SEC22C: variants seen among roughly 807,000 people sequenced by gnomAD.
SEC22C encodes the protein SEC22 homolog C, vesicle trafficking protein, also known as vesicle-trafficking protein SEC22c.
In SEC22C, 29 loss-of-function variants were observed where a neutral mutation model predicts 34.7. That is an observed-to-expected ratio of 0.84 (90% CI 0.62 to 1.14). The LOEUF is 1.14. Among genes scored for constraint, SEC22C ranks in the 50% most tolerant of loss-of-function variants. The pLI is 0.00. For missense variants in SEC22C, 337 were observed against 369.0 expected, an observed-to-expected ratio of 0.91 and a Z score of 0.71; for synonymous variants, 117 against 132.8, an observed-to-expected ratio of 0.88 and a Z score of 0.82.
intron 4 of SEC22C, among the ~76,000 whole-genome samples, chr3:42,558,955 G>A (rs1212780441): frequency 1.3e-5 from 2 of 152,148 alleles, no homozygotes; most frequent in East Asian, 1.9e-4. Flanking sequence ...GCGATGTCAC[G>A]TGCACTTCTA....
Position 42,598,908 on chromosome 3 carries a change from T to C in SEC22C, c.-28+2052A>G, listed in dbSNP as rs533347847. 5.9e-4 allele frequency among the ~76,000 whole-genome samples: 90 copies of C among 151,684 alleles called. 1 individual carries two copies. The highest frequency in any genetic ancestry group is 1.9e-3 in the African/African-American group (79 of 41,074). On this transcript the variant is annotated intron_variant, in intron 1 of 6. Transcript: ENST00000417572. ...TTAAAATGGCAACTTTCACATAATG[T>C]GTATATATATCTATAGATCTATAGA...
At chr3:42,568,019 CAG>C (rs1270840414) in intron 2 of SEC22C, among the ~76,000 whole-genome samples, 6 of 151,872 alleles carry the variant, frequency 4.0e-5, no homozygotes, top group South Asian at 2.1e-4. Flanking sequence ...TTGCAGTGTG[CAG>C]AGAGTTTGCC....
Position 42,553,316 on chromosome 3 carries a change from C to T in SEC22C, c.844G>A (p.Ala282Thr), listed in dbSNP as rs1702338544. The change falls in exon 7 of 7, where the codon GCT (alanine) becomes ACT (threonine). Residue 282 changes from alanine (A) to threonine (T), a missense_variant. By Grantham distance (58) the Ala-to-Thr change is moderately conservative (BLOSUM62 0). Coordinates refer to ENST00000264454, the MANE Select transcript of SEC22C (RefSeq NM_032970.4). ...LWQILFHIGVAFLSSYQILTR... is the reference protein window; with the variant it reads ...LWQILFHIGVTFLSSYQILTR... ...AGTATCTGATATGAAGACAGAAAAGCCACTCCTATGTGGAAAAGGATTTGC... is the reference window on the plus strand; with the variant it reads ...AGTATCTGATATGAAGACAGAAAAGTCACTCCTATGTGGAAAAGGATTTGC... The T allele has an allele frequency of 6.2e-7, 1 of 1,614,170 alleles. No homozygotes were observed. Among genetic ancestry groups the T allele is most frequent in the Non-Finnish European group, 8.5e-7 (1 of 1,180,036 alleles).
chr3:42,584,100 C>G (rs894117416), upstream of SEC22C, among the ~76,000 whole-genome samples: 2 of 152,148 alleles, frequency 1.3e-5, no homozygotes, highest in Non-Finnish European at 2.9e-5. Flanking sequence ...GCCAGTTCCC[C>G]TAATAAATCC....
chr3:42,570,051 T>C (rs1703520228), intron 1 of SEC22C, among the ~76,000 whole-genome samples: 1 of 152,190 alleles, frequency 6.6e-6, no homozygotes, highest in African/African-American at 2.4e-5. Context: ...ATCCTCTACT[T>C]GACAGGATCC....
In SEC22C at chr3:42,552,013, C is replaced by A; in HGVS notation, c.*1235G>T. On this transcript the variant is annotated 3_prime_UTR_variant, in exon 7 of 7. Coordinates refer to ENST00000264454, the MANE Select transcript of SEC22C (RefSeq NM_032970.4). ...CAAGAACAATCCAAAGAGCAAACTC[C>A]CAAAATGACCTCCTGCGTGGTACAA... The A allele has an allele frequency of 1.0e-6, 1 of 985,372 alleles. No homozygotes were observed. Among genetic ancestry groups the A allele is most frequent in the East Asian group, 1.1e-4 (1 of 8,820 alleles). The allele number at this position is 985,372 out of a possible 1,614,324, so 61.0% of individuals were successfully genotyped here. A position where few individuals can be genotyped will look rare whatever the true frequency, so the allele number is the denominator to read the frequency against.
At chr3:42,594,610 A>T in intron 1 of SEC22C, 1 of 957,208 alleles carries the variant, frequency 1.0e-6, no homozygotes. Flanking sequence ...TTACCAACTC[A>T]ACTGGTTAAA....
At chr3:42,566,736 G>A in intron 2 of SEC22C, 1 of 294,578 alleles carries the variant, frequency 3.4e-6, no homozygotes, top group Non-Finnish European at 7.1e-6. Context: ...AGGCAAGGTG[G>A]CTCATACCTA....
chr3:42,550,122 C>A lies in SEC22C; in HGVS notation c.*3126G>T. ...GGGCTCTGGCCCCGTGGTTGGGAAACCCTTCCTAAGAGCATGGAGCCACAC... is the reference window on the plus strand; with the variant it reads ...GGGCTCTGGCCCCGTGGTTGGGAAAACCTTCCTAAGAGCATGGAGCCACAC... On this transcript the variant is annotated 3_prime_UTR_variant, in exon 7 of 7. Coordinates refer to ENST00000264454, the MANE Select transcript of SEC22C (RefSeq NM_032970.4). 1.0e-6 allele frequency: 1 copy of A among 985,464 alleles called. No individual in the cohort carries two copies. The highest frequency in any genetic ancestry group is 1.2e-6 in the Non-Finnish European group (1 of 829,952). The allele number at this position is 985,464 out of a possible 1,614,324, so 61.0% of individuals were successfully genotyped here. A position where few individuals can be genotyped will look rare whatever the true frequency, so the allele number is the denominator to read the frequency against.
chr3:42,600,191 C>A (rs936675768), intron 1 of SEC22C, among the ~76,000 whole-genome samples: 2 of 152,112 alleles, frequency 1.3e-5, no homozygotes, highest in Non-Finnish European at 2.9e-5. Flanking sequence ...AAAAACGGTG[C>A]CAGTGACGCT....
Position 42,554,694 on chromosome 3 carries a change from C to T in SEC22C, c.711+1236G>A, listed in dbSNP as rs116488181. 3.0e-3 allele frequency among the ~76,000 whole-genome samples: 458 copies of T among 152,032 alleles called. 3 individuals carry two copies. The highest frequency in any genetic ancestry group is 0.011 in the African/African-American group (441 of 41,446). On this transcript the variant is annotated intron_variant, in intron 6 of 6. Coordinates refer to ENST00000264454, the MANE Select transcript of SEC22C (RefSeq NM_032970.4). ...GGATGTATGTGGAAGAGAAGGAAAG[C>T]GTCCTAAGAACAGAAATTTTAATTT... is the stretch of plus-strand genomic sequence containing the variant.
upstream of SEC22C, among the ~76,000 whole-genome samples, chr3:42,585,624 A>G (rs1354532593): frequency 6.6e-6 from 1 of 152,100 alleles, no homozygotes; most frequent in Admixed American, 6.5e-5. Flanking sequence ...CACCTCCATC[A>G]CATTCTTCCC....
intron 1 of SEC22C, among the ~76,000 whole-genome samples, chr3:42,570,184 G>A: frequency 6.6e-6 from 1 of 152,114 alleles, no homozygotes; most frequent in East Asian, 1.9e-4. Flanking sequence ...ACCCCAAGAT[G>A]CACACTACTC....
chr3:42,591,229 C>T lies in SEC22C; in HGVS notation c.-28+9731G>A, dbSNP rs796300548. On this transcript the variant is annotated intron_variant, in intron 1 of 6. Coordinates refer to the SEC22C transcript ENST00000417572. ...TTTTTTTTTTTTTTGAGACGGAGTCCCGCTCTGTCGCCCAGGCTGGAGTGC... is the reference window on the plus strand; with the variant it reads ...TTTTTTTTTTTTTTGAGACGGAGTCTCGCTCTGTCGCCCAGGCTGGAGTGC... The T allele has an allele frequency of 2.5e-4, 136 of 542,398 alleles. No individual in the cohort carries two copies. The African/African-American group carries it at 3.0e-3, about 12-fold the overall frequency. 33.6% of individuals were successfully genotyped at this position (542,398 alleles called of 1,614,324 possible). A position where few individuals can be genotyped will look rare whatever the true frequency, so the allele number is the denominator to read the frequency against.
At chr3:42,574,703 T>C (rs2125720006) in intron 1 of SEC22C, among the ~76,000 whole-genome samples, 1 of 152,282 alleles carries the variant, frequency 6.6e-6, no homozygotes, top group East Asian at 1.9e-4. Context: ...TCATTTGAAA[T>C]AGTAAAACAC....
At chr3:42,560,137 T>TAA (rs1491021738) in intron 4 of SEC22C, among the ~76,000 whole-genome samples, 1,909 of 143,548 alleles carry the variant, frequency 0.013, 24 homozygotes, top group South Asian at 0.047. Context: ...TATATATATA[T>TAA]AAATAATAAT....
intron 4 of SEC22C, among the ~76,000 whole-genome samples, chr3:42,560,152 T>TTATATATATTATATATATTTTATATATAA (rs1381222095): frequency 1.7e-4 from 25 of 144,958 alleles, no homozygotes; most frequent in South Asian, 8.5e-4. Context: ...AATAATTGTT[T>TTATATATATTATATATATTTTATATATAA]TATATATATT....
chr3:42,594,442 G>C, intron 1 of SEC22C: 1 of 1,613,820 alleles, frequency 6.2e-7, no homozygotes, highest in Non-Finnish European at 8.5e-7. Flanking sequence ...GTGTTACATA[G>C]AAATCTCATT....
chr3:42,554,813 C>T (rs1303112391), intron 6 of SEC22C, among the ~76,000 whole-genome samples: 1 of 152,186 alleles, frequency 6.6e-6, no homozygotes, highest in Admixed American at 6.5e-5. Context: ...CACGCTTTCA[C>T]TAGAATTAAC....
Sources: gnomAD v4.1 joint callset for allele counts (sites outside exome capture counted in the v4.1 genomes callset) on GRCh38, gnomAD v4.1.1 for gene constraint, MANE v1.5 for transcripts, NCBI Gene and HGNC (gene_info 2026-07-23, HGNC 2026-07-21) for gene names.